The following TULP4 variants were observed in gnomAD, a reference collection of about 807,000 sequenced individuals.
TULP4 encodes the protein tubby-related protein 4.
TULP4 carries 16 observed loss-of-function variants against 129.0 expected under a neutral mutation model. The ratio of observed to expected loss-of-function variants is 0.12; its 90% CI spans 0.08 to 0.19. TULP4 has a LOEUF of 0.19. Ranked by LOEUF, TULP4 falls within the 10% of genes least tolerant of loss-of-function variation. The pLI, the probability that TULP4 is intolerant of heterozygous loss-of-function variation, is 1.00. For synonymous variants in TULP4, 998 were observed against 854.0 expected (o/e 1.17, Z -2.94); for missense variants, 1,842 against 2,059.1 (o/e 0.89, Z 2.04).
chr6:158,277,424 T>G (rs1778667113), upstream of TULP4, among the ~76,000 whole-genome samples: 1 of 152,256 alleles, frequency 6.6e-6, no homozygotes, highest in South Asian at 2.1e-4. Context: ...GATTAGCCTG[T>G]GTAGCAATGA....
intron 6 of TULP4, among the ~76,000 whole-genome samples, chr6:158,468,228 A>G (rs1038648267): frequency 3.2e-4 from 48 of 152,370 alleles, no homozygotes; most frequent in African/African-American, 1.0e-3. Context: ...CACCTGGTAC[A>G]TCAAAGGTTA....
chr6:158,320,590 C>A (rs1779603008), intron 1 of TULP4, among the ~76,000 whole-genome samples: 1 of 152,064 alleles, frequency 6.6e-6, no homozygotes, highest in Non-Finnish European at 1.5e-5. Context: ...CGCCACCACA[C>A]CCAGCTAATT....
At chr6:158,275,082 A>G (rs1474762370) in intron 1 of TULP4, among the ~76,000 whole-genome samples, 5 of 152,212 alleles carry the variant, frequency 3.3e-5, no homozygotes, top group Non-Finnish European at 7.3e-5. Context: ...TTCCATTTTG[A>G]AAATGTGTTC....
chr6:158,307,263 A>G (rs1052229329), intron 1 of TULP4, among the ~76,000 whole-genome samples: 5 of 152,202 alleles, frequency 3.3e-5, no homozygotes, highest in East Asian at 1.9e-4. Flanking sequence ...GTTGAAGTAT[A>G]TGAAGAAAAT....
intron 3 of TULP4, among the ~76,000 whole-genome samples, chr6:158,444,406 C>G (rs1778984551): frequency 6.6e-6 from 1 of 151,886 alleles, no homozygotes; most frequent in South Asian, 2.1e-4. Flanking sequence ...GATTTGCAAT[C>G]AGTTTTTTAA....
chr6:158,366,193 G>A (rs537156120), intron 1 of TULP4, among the ~76,000 whole-genome samples: 22 of 152,240 alleles, frequency 1.4e-4, no homozygotes, highest in Admixed American at 3.9e-4. Context: ...ATGGGCCACC[G>A]CGCCTGGCCG....
intron 5 of TULP4, among the ~76,000 whole-genome samples, chr6:158,458,008 C>A (rs1473869850): frequency 1.3e-5 from 2 of 152,170 alleles, no homozygotes; most frequent in East Asian, 3.9e-4. Flanking sequence ...CACTGCTCCA[C>A]ATGCACGTGT....
intron 1 of TULP4, among the ~76,000 whole-genome samples, chr6:158,329,723 AT>A (rs1328603808): frequency 6.6e-6 from 1 of 152,116 alleles, no homozygotes; most frequent in African/African-American, 2.4e-5. Context: ...TACAGATGGC[AT>A]TTGTGACTAA....
chr6:158,479,317 T>C (rs892039112), intron 6 of TULP4, among the ~76,000 whole-genome samples: 3 of 152,212 alleles, frequency 2.0e-5, no homozygotes, highest in African/African-American at 7.2e-5. Flanking sequence ...TACCCAGAGC[T>C]CAGTTGGGTT....
At chr6:158,375,176 G>A (rs1777156955) in intron 1 of TULP4, among the ~76,000 whole-genome samples, 1 of 152,216 alleles carries the variant, frequency 6.6e-6, no homozygotes, top group African/African-American at 2.4e-5. Flanking sequence ...CCAAGAGGCA[G>A]AGGTTGCAGT....
At chr6:158,281,912 C>G (rs951220588), upstream of TULP4, among the ~76,000 whole-genome samples, 5 of 152,118 alleles carry the variant, frequency 3.3e-5, no homozygotes, top group Non-Finnish European at 7.4e-5. Context: ...AACATTTTTC[C>G]TGGCTAACTA....
chr6:158,496,375 A>T (rs1582880178), intron 11 of TULP4, among the ~76,000 whole-genome samples: 1 of 152,360 alleles, frequency 6.6e-6, no homozygotes, highest in East Asian at 1.9e-4. Flanking sequence ...TGTTAGAAAG[A>T]CCTATTGCTA....
chr6:158,413,308 GGAAGA>G lies in TULP4; in HGVS notation c.381+119_381+123del. The G allele has an allele frequency of 8.1e-7, 1 of 1,227,680 alleles. No homozygotes were observed. Among genetic ancestry groups the G allele is most frequent in the Non-Finnish European group, 1.1e-6 (1 of 918,656 alleles). 76.0% of individuals were successfully genotyped at this position (1,227,680 alleles called of 1,614,324 possible). A position where few individuals can be genotyped will look rare whatever the true frequency, so the allele number is the denominator to read the frequency against. On this transcript the variant is annotated intron_variant, in intron 2 of 13. Coordinates refer to ENST00000367097, the MANE Select transcript of TULP4 (RefSeq NM_020245.5). The surrounding 1 kb of genome is among the most constrained non-coding windows in gnomAD (Gnocchi z 4.9). ...CAGCGCCACGTGCTCCAGAGCTGGG[GGAAGA>G]GAAATCAATCAAATTAGAATCCTAC...
At chr6:158,417,786 A>G (rs1486565293) in intron 2 of TULP4, among the ~76,000 whole-genome samples, 1 of 152,246 alleles carries the variant, frequency 6.6e-6, no homozygotes, top group Admixed American at 6.5e-5. Context: ...AAAGTAATCA[A>G]ACATTTGGCA....
chr6:158,271,719 C>T (rs1458950681), intron 1 of TULP4, among the ~76,000 whole-genome samples: 1 of 152,164 alleles, frequency 6.6e-6, no homozygotes, highest in Non-Finnish European at 1.5e-5. Context: ...CATGAGCCAC[C>T]ACGCCTGGCC....
intron 11 of TULP4, among the ~76,000 whole-genome samples, chr6:158,498,401 A>G (rs1367828754): frequency 6.6e-6 from 1 of 152,250 alleles, no homozygotes; most frequent in Non-Finnish European, 1.5e-5. Context: ...AACATTTGAA[A>G]TTTGTAGTTC....
chr6:158,481,799 C>T (rs1779952714), intron 8 of TULP4, among the ~76,000 whole-genome samples: 1 of 152,188 alleles, frequency 6.6e-6, no homozygotes, highest in Non-Finnish European at 1.5e-5. Flanking sequence ...GTATGAGTCA[C>T]CCTTTTCTTC....
chr6:158,366,259 C>A (rs1478702501), intron 1 of TULP4, among the ~76,000 whole-genome samples: 1 of 152,146 alleles, frequency 6.6e-6, no homozygotes, highest in African/African-American at 2.4e-5. Context: ...AGTTTAGAAG[C>A]CTGTCTTAAG....
intron 1 of TULP4, among the ~76,000 whole-genome samples, chr6:158,336,940 G>C (rs560117774): frequency 1.0e-3 from 154 of 152,090 alleles, no homozygotes; most frequent in African/African-American, 3.5e-3. Context: ...TAGAATCCAA[G>C]TCTCACTAGT....
Sources: gnomAD v4.1 joint callset for allele counts (sites outside exome capture counted in the v4.1 genomes callset) on GRCh38, gnomAD v4.1.1 for gene constraint, Gnocchi (gnomAD v3.1) non-coding constraint, MANE v1.5 for transcripts, NCBI Gene and HGNC (gene_info 2026-07-23, HGNC 2026-07-21) for gene names.